The following DNAH11 variants were observed in gnomAD, a reference collection of about 807,000 sequenced individuals.
The protein encoded by DNAH11 is dynein axonemal heavy chain 11.
A neutral mutation model predicts 526.0 loss-of-function variants in DNAH11; 442 were observed. The observed-to-expected ratio is 0.84, with a 90% CI of 0.78 to 0.91. The LOEUF (loss-of-function observed/expected upper bound fraction) is 0.91, where lower values mean the gene tolerates loss of function less well. Ranked by LOEUF, DNAH11 falls within the 40% of genes least tolerant of loss-of-function variation. The probability of loss-of-function intolerance (pLI) is 0.00; values close to 1 mark genes in which losing one functional copy is unlikely to be tolerated. For missense variants in DNAH11, 6,989 were observed against 5,448.7 expected, an observed-to-expected ratio of 1.28 and a Z score of -8.90; for synonymous variants, 2,461 against 1,935.9, an observed-to-expected ratio of 1.27 and a Z score of -7.12.
In DNAH11 at chr7:21,717,629, T is replaced by A. The variant is rs1583623041; in HGVS notation, c.6984-146T>A. ...TTTTTAAAGGGCCATTTTAAAATAT[T>A]TGCAGTTTGAAAAATAGAACGAACT... On this transcript the variant is annotated intron_variant, in intron 42 of 81. Transcript: ENST00000409508. 6.6e-6 allele frequency: 6 copies of A among 909,462 alleles called. No homozygotes were observed. In the East Asian group the frequency reaches 1.6e-4, roughly 25 times the overall value. 56.3% of individuals were successfully genotyped at this position (909,462 alleles called of 1,614,324 possible).
intron 6 of DNAH11, among the ~76,000 whole-genome samples, chr7:21,565,674 T>C (rs979065243): frequency 6.6e-6 from 1 of 152,202 alleles, no homozygotes; most frequent in Non-Finnish European, 1.5e-5. Flanking sequence ...GGAAGTTCAA[T>C]TACTCCTCAG....
chr7:21,598,991 T>C (rs573702093), intron 14 of DNAH11, among the ~76,000 whole-genome samples: 31 of 152,378 alleles, frequency 2.0e-4, no homozygotes, highest in African/African-American at 7.2e-4. Flanking sequence ...GTATCATTGA[T>C]AGGCACTTAG....
rs757341282 is a variant in DNAH11 at position 21,698,076 on chromosome 7, C to A, written c.6043C>A (p.Pro2015Thr). Residue 2015 changes from proline to threonine, a missense_variant and splice_region_variant, in exon 36 of 82, where the codon CCC becomes ACC. Physicochemically the swap from Pro to Thr is conservative, Grantham distance 38. Transcript: ENST00000409508. ...LPENLKALFRPCAMVAPDIEL... is the reference protein window; with the variant it reads ...LPENLKALFRTCAMVAPDIEL... ...CTAAAATTCTTATTTACTTTTTAGACCCTGTGCCATGGTGGCCCCTGACAT... is the reference window on the plus strand; with the variant it reads ...CTAAAATTCTTATTTACTTTTTAGAACCTGTGCCATGGTGGCCCCTGACAT... 9.3e-6 allele frequency: 15 copies of A among 1,609,862 alleles called. No individual in the cohort carries two copies. Among genetic ancestry groups the A allele is most frequent in the Non-Finnish European group, 1.2e-5 (14 of 1,178,536 alleles).
chr7:21,559,756 G>A lies in DNAH11; in HGVS notation c.846G>A (p.Met282Ile), dbSNP rs375023124. 48 of 1,605,980 alleles carry A rather than the reference G, an allele frequency of 3.0e-5. No homozygotes were observed. In the African/African-American group the frequency reaches 4.9e-4, roughly 17 times the overall value. Reference protein sequence around the residue: ...LSPQAELDFWMMRRENLSCIY... With the variant: ...LSPQAELDFWIMRRENLSCIY... ...CTCAAGCAGAACTAGATTTCTGGAT[G>A]ATGAGGAGAGAAAATCTGTCATGCA... Residue 282 changes from methionine (M) to isoleucine (I), a missense_variant, in exon 4 of 82, where the codon ATG (methionine) becomes ATA (isoleucine). By Grantham distance (10) the Met-to-Ile change is conservative. Transcript: ENST00000409508.
chr7:21,546,333 G>T (rs11982520), intron 2 of DNAH11, among the ~76,000 whole-genome samples: 4 of 152,004 alleles, frequency 2.6e-5, no homozygotes, highest in African/African-American at 9.7e-5. Flanking sequence ...GCTGATTTCA[G>T]GGAGGTGCTA....
intron 57 of DNAH11, among the ~76,000 whole-genome samples, chr7:21,782,686 C>A (rs1054300351): frequency 6.6e-6 from 1 of 152,020 alleles, no homozygotes; most frequent in Non-Finnish European, 1.5e-5. Flanking sequence ...CTGAAGCAGG[C>A]GGATAACTTG....
chr7:21,702,682 T>G, intron 36 of DNAH11, 28 bp from the exon 37 acceptor site: 43 of 1,595,208 alleles, frequency 2.7e-5, no homozygotes, highest in Non-Finnish European at 3.6e-5. Context: ...ATACAATTTT[T>G]GAGAAAATAA....
chr7:21,724,631 G>A (rs992612642), intron 44 of DNAH11, among the ~76,000 whole-genome samples: 15 of 144,700 alleles, frequency 1.0e-4, no homozygotes, highest in South Asian at 4.4e-4. Flanking sequence ...CCAGGTCATC[G>A]TATGAATATA....
intron 35 of DNAH11, among the ~76,000 whole-genome samples, chr7:21,697,638 T>C (rs1783908737): frequency 6.6e-6 from 1 of 152,202 alleles, no homozygotes; most frequent in African/African-American, 2.4e-5. Flanking sequence ...TGTGTTGGTA[T>C]CTTGGAATCA....
chr7:21,728,237 C>CTT lies in DNAH11; in HGVS notation c.7440+2290_7440+2291dup, dbSNP rs71026816. On this transcript the variant is annotated intron_variant, in intron 45 of 81. Transcript: ENST00000409508. ...TCACCCATTCCAACAGCCCACAATT[C>CTT]TTTTTTTTTTTTTTTTTTTTTTTTT... Among the ~76,000 whole-genome samples the CTT allele has an allele frequency of 2.4e-4, 14 of 58,946 alleles. 2 individuals are homozygous for CTT. The highest frequency in any genetic ancestry group is 7.6e-4 in the African/African-American group (10 of 13,086). The allele number at this position is 58,946 out of a possible 152,430, so 38.7% of individuals were successfully genotyped here.
rs772306572 is a variant in DNAH11 at position 21,639,074 on chromosome 7, T to G, written c.4944+9T>G. On this transcript the variant is annotated intron_variant, in intron 28 of 81. Transcript: ENST00000409508. ...GAGCTCAGCCTAAACAGGTAATATTTTTTTTGAAAGTCTCGTATTATACTG... is the reference window on the plus strand; with the variant it reads ...GAGCTCAGCCTAAACAGGTAATATTGTTTTTGAAAGTCTCGTATTATACTG... The G allele has an allele frequency of 7.5e-6, 12 of 1,606,096 alleles. No individual in the cohort carries two copies. The Admixed American group carries it at 8.6e-5, about 12-fold the overall frequency.
At chr7:21,626,011 A>G (rs1390652255) in intron 25 of DNAH11, among the ~76,000 whole-genome samples, 6 of 152,286 alleles carry the variant, frequency 3.9e-5, no homozygotes, top group Middle Eastern at 3.4e-3. Context: ...AAATGTAAAG[A>G]TCAAATCAGT....
chr7:21,663,707 T>C (rs1782320318), intron 30 of DNAH11, among the ~76,000 whole-genome samples: 1 of 152,084 alleles, frequency 6.6e-6, no homozygotes, highest in African/African-American at 2.4e-5. Context: ...ATGCCTGGCT[T>C]ATTTCAATTC....
intron 79 of DNAH11, among the ~76,000 whole-genome samples, chr7:21,895,796 C>A (rs186713581): frequency 2.6e-5 from 4 of 152,168 alleles, no homozygotes; most frequent in Non-Finnish European, 4.4e-5. Context: ...GTGGCGCGAT[C>A]TCGGCTCACT....
intron 68 of DNAH11, among the ~76,000 whole-genome samples, chr7:21,859,155 C>G (rs950643210): frequency 6.6e-6 from 1 of 151,984 alleles, no homozygotes; most frequent in African/African-American, 2.4e-5. Context: ...ACTCTGTCAC[C>G]CAGACTGGAA....
intron 30 of DNAH11, among the ~76,000 whole-genome samples, chr7:21,680,466 GACAGCATCT>G (rs1783092443): frequency 6.6e-6 from 1 of 152,148 alleles, no homozygotes; most frequent in South Asian, 2.1e-4. Flanking sequence ...GACCACCTAA[GACAGCATCT>G]TTCAAACCTC....
At chr7:21,898,508 T>C (rs886718402) in intron 79 of DNAH11, among the ~76,000 whole-genome samples, 2 of 152,252 alleles carry the variant, frequency 1.3e-5, no homozygotes, top group African/African-American at 4.8e-5. Flanking sequence ...AAAACTTCAG[T>C]GCCAGCCTTT....
intron 57 of DNAH11, among the ~76,000 whole-genome samples, chr7:21,780,674 T>C (rs531084543): frequency 2.0e-5 from 3 of 152,336 alleles, no homozygotes. Flanking sequence ...TCTGACAGGT[T>C]GTTTAGTGAA....
chr7:21,780,595 T>C (rs1425702636), intron 57 of DNAH11, among the ~76,000 whole-genome samples: 1 of 152,178 alleles, frequency 6.6e-6, no homozygotes, highest in Non-Finnish European at 1.5e-5. Flanking sequence ...TTTGCATTTT[T>C]ACATTTGAAT....
Sources: gnomAD v4.1 joint callset for allele counts (sites outside exome capture counted in the v4.1 genomes callset) on GRCh38, gnomAD v4.1.1 for gene constraint, MANE v1.5 for transcripts, NCBI Gene and HGNC (gene_info 2026-07-23, HGNC 2026-07-21) for gene names.